Variants in ABTB3 observed in about 807,000 individuals in gnomAD.
The protein encoded by ABTB3 is ankyrin repeat- and BTB/POZ domain-containing protein 3.
chr12:107,654,830 A>ACACACACG, the ABTB3 span, among the ~76,000 whole-genome samples: 6 of 147,046 alleles, frequency 4.1e-5, no homozygotes, highest in African/African-American at 1.6e-4. Flanking sequence ...ACACACACAC[A>ACACACACG]CACACACACA....
At chr12:107,469,968 CTTTCTTTCTTTCTTTCTT>C in the ABTB3 span, among the ~76,000 whole-genome samples, 1 of 74,500 alleles carries the variant, frequency 1.3e-5, no homozygotes, top group Admixed American at 1.3e-4. Context: ...TTCTTTCTTT[CTTTCTTTCTTTCTTTCTT>C]TCTTTCTTTC....
the ABTB3 span, among the ~76,000 whole-genome samples, chr12:107,468,353 C>G: frequency 3.3e-5 from 5 of 152,162 alleles, no homozygotes; most frequent in African/African-American, 1.2e-4. Context: ...GGGAAGCTGA[C>G]CAGTCAGTGG....
the ABTB3 span, among the ~76,000 whole-genome samples, chr12:107,557,642 G>A: frequency 6.6e-6 from 1 of 152,134 alleles, no homozygotes; most frequent in South Asian, 2.1e-4. Context: ...ATAATAGTGA[G>A]AGATAATATT....
the ABTB3 span, among the ~76,000 whole-genome samples, chr12:107,332,819 C>T: frequency 6.6e-6 from 1 of 152,142 alleles, no homozygotes; most frequent in Non-Finnish European, 1.5e-5. Flanking sequence ...TCCTACTGGC[C>T]CTGCTAGGGT....
At chr12:107,336,503 T>C in the ABTB3 span, among the ~76,000 whole-genome samples, 1 of 152,180 alleles carries the variant, frequency 6.6e-6, no homozygotes, top group Non-Finnish European at 1.5e-5. Context: ...GGTAACCTCA[T>C]AGGAGTGTTT....
chr12:107,357,837 T>A, the ABTB3 span, among the ~76,000 whole-genome samples: 2 of 152,220 alleles, frequency 1.3e-5, no homozygotes, highest in Admixed American at 1.3e-4. Context: ...CCTAATAGGA[T>A]GAGAGATGGT....
the ABTB3 span, among the ~76,000 whole-genome samples, chr12:107,492,450 TAGC>T: frequency 6.6e-6 from 1 of 152,134 alleles, no homozygotes; most frequent in Admixed American, 6.5e-5. Context: ...GCAGAGAAGA[TAGC>T]AGGATGTGCA....
At chr12:107,338,813 A>G in the ABTB3 span, among the ~76,000 whole-genome samples, 12 of 152,166 alleles carry the variant, frequency 7.9e-5, no homozygotes, top group Admixed American at 2.0e-4. Flanking sequence ...CATTTTAATT[A>G]ATTAACAAAT....
At chr12:107,351,853 C>A in the ABTB3 span, among the ~76,000 whole-genome samples, 2 of 152,006 alleles carry the variant, frequency 1.3e-5, no homozygotes, top group Admixed American at 6.6e-5. Context: ...TTGTGTGTGA[C>A]CTGAGGCAAA....
chr12:107,577,535 C>G, the ABTB3 span, among the ~76,000 whole-genome samples: 9 of 152,228 alleles, frequency 5.9e-5, no homozygotes, highest in South Asian at 1.9e-3. Context: ...CCATCTCCTA[C>G]TTGAATCTGG....
At chr12:107,450,769 C>T in the ABTB3 span, among the ~76,000 whole-genome samples, 3 of 152,126 alleles carry the variant, frequency 2.0e-5, no homozygotes, top group Non-Finnish European at 4.4e-5. Context: ...GCAACTTCAG[C>T]CCCTGCTTTG....
chr12:107,445,414 C>G, the ABTB3 span, among the ~76,000 whole-genome samples: 5 of 152,330 alleles, frequency 3.3e-5, no homozygotes, highest in Admixed American at 3.3e-4. Flanking sequence ...ATAGCGCCCA[C>G]AAGAAACTCA....
chr12:107,581,441 T>TGA, the ABTB3 span: 1 of 656,932 alleles, frequency 1.5e-6, no homozygotes. Flanking sequence ...GCTCCCTGGT[T>TGA]GAAGTGGCAG....
At chr12:107,396,999 TG>T in the ABTB3 span, among the ~76,000 whole-genome samples, 2 of 152,248 alleles carry the variant, frequency 1.3e-5, no homozygotes, top group Admixed American at 1.3e-4. Context: ...TCCATCCATG[TG>T]AGAGCATTGA....
chr12:107,460,107 C>T, the ABTB3 span, among the ~76,000 whole-genome samples: 2 of 152,230 alleles, frequency 1.3e-5, no homozygotes, highest in South Asian at 4.1e-4. Context: ...TAACAGGGTA[C>T]CAAGCCACCT....
At chr12:107,470,617 G>A in the ABTB3 span, among the ~76,000 whole-genome samples, 140 of 152,276 alleles carry the variant, frequency 9.2e-4, no homozygotes, top group African/African-American at 3.2e-3. Flanking sequence ...TTGTCACTCG[G>A]AGCAGAGCAC....
At chr12:107,550,581 TTC>T in the ABTB3 span, among the ~76,000 whole-genome samples, 4 of 140,368 alleles carry the variant, frequency 2.8e-5, no homozygotes, top group African/African-American at 1.2e-4. Context: ...CTTTCTTTCT[TTC>T]TTTTTTTTTT....
the ABTB3 span, among the ~76,000 whole-genome samples, chr12:107,402,959 G>A: frequency 1.3e-5 from 2 of 152,158 alleles, no homozygotes; most frequent in East Asian, 1.9e-4. Flanking sequence ...GCTATTGGGA[G>A]GTGGGACAGG....
At chr12:107,621,674 T>G in the ABTB3 span, among the ~76,000 whole-genome samples, 1 of 152,144 alleles carries the variant, frequency 6.6e-6, no homozygotes, top group East Asian at 1.9e-4. Flanking sequence ...GCAATCCTCA[T>G]CCAGACTGAG....
Sources: gnomAD v4.1 joint callset for allele counts (sites outside exome capture counted in the v4.1 genomes callset) on GRCh38, gnomAD v4.1.1 for gene constraint, MANE v1.5 for transcripts, NCBI Gene and HGNC (gene_info 2026-07-23, HGNC 2026-07-21) for gene names.